Variants in ROR2 observed in about 807,000 individuals in gnomAD.
The protein encoded by ROR2 is ROR family WNT receptor 2.
A neutral mutation model predicts 74.9 loss-of-function variants in ROR2; 33 were observed. The observed-to-expected ratio is 0.44, with a 90% confidence interval of 0.33 to 0.59. The LOEUF is 0.59. Ranked by LOEUF, ROR2 falls within the 20% of genes least tolerant of loss-of-function variation. ROR2 has a pLI of 0.02. For synonymous variants in ROR2, 586 were observed against 558.7 expected (o/e 1.05, Z -0.69); for missense variants, 1,216 against 1,313.8 (o/e 0.93, Z 1.15).
rs1035758910 is a variant in ROR2, at chr9:91,723,364, G to A, written c.*298C>T. Reference sequence around the variant, plus strand: ...CCTATTTTCTTGAAAGGCATTTGCTGCTCACTACCAGTCTACCACCAGAAT... The same window carrying A: ...CCTATTTTCTTGAAAGGCATTTGCTACTCACTACCAGTCTACCACCAGAAT... On this transcript the variant is annotated 3_prime_UTR_variant, in exon 9 of 9. Coordinates refer to ENST00000375708, the MANE Select transcript of ROR2 (RefSeq NM_004560.4). 2 of 412,072 alleles carry A rather than the reference G, an allele frequency of 4.9e-6. No individual in the cohort carries two copies. Among genetic ancestry groups the A allele is most frequent in the Non-Finnish European group, 8.7e-6 (2 of 228,946 alleles). The allele number at this position is 412,072 out of a possible 1,614,324, so 25.5% of individuals were successfully genotyped here.
chr9:91,743,417 C>G (rs897928084), intron 4 of ROR2, among the ~76,000 whole-genome samples: 1 of 151,914 alleles, frequency 6.6e-6, no homozygotes. Flanking sequence ...ACTAAAAATA[C>G]AAAATTAGCC....
At chr9:91,805,420 T>C (rs971098483) in intron 1 of ROR2, among the ~76,000 whole-genome samples, 3 of 152,200 alleles carry the variant, frequency 2.0e-5, no homozygotes, top group Non-Finnish European at 4.4e-5. Context: ...AGTTCTCCTA[T>C]CAGCCCCTCT....
intron 4 of ROR2, among the ~76,000 whole-genome samples, chr9:91,745,367 C>G (rs1414035932): frequency 6.6e-6 from 1 of 151,468 alleles, no homozygotes; most frequent in Non-Finnish European, 1.5e-5. Context: ...TCAGATGATC[C>G]ACCCACCTTG....
At chr9:91,915,249 C>T (rs1043705286) in intron 1 of ROR2, among the ~76,000 whole-genome samples, 2 of 152,182 alleles carry the variant, frequency 1.3e-5, no homozygotes, top group Non-Finnish European at 1.5e-5. Flanking sequence ...ACACGCGGCT[C>T]CCATAGACAC....
At chr9:91,933,843 G>A (rs1295530366) in intron 1 of ROR2, among the ~76,000 whole-genome samples, 2 of 152,162 alleles carry the variant, frequency 1.3e-5, no homozygotes, top group South Asian at 2.1e-4. Context: ...GGAAAAAGGC[G>A]GGGACGGGGA....
At position 91,723,714 on chromosome 9, in the gene ROR2, C is replaced by A. The variant is rs1419520071; in HGVS notation, c.2780G>T (p.Gly927Val). The A allele has an allele frequency of 6.2e-7, 1 of 1,614,014 alleles. No individual in the cohort carries two copies. The highest frequency in any genetic ancestry group is 1.7e-5 in the Admixed American group (1 of 60,028). The change falls in exon 9 of 9, where the codon GGG (glycine) becomes GTG (valine). Residue 927 changes from glycine (G) to valine (V), a missense_variant. By Grantham distance (109) the Gly-to-Val change is moderately radical. Transcript: ENST00000375708. Reference sequence around the variant, plus strand: ...GTCCACCTGCAGAGTGTCACAGTCCCCCAGCAGCTCAGTCTCTGGGACAGA... The same window carrying A: ...GTCCACCTGCAGAGTGTCACAGTCCACCAGCAGCTCAGTCTCTGGGACAGA... The part of the protein sequence containing the change: ...EGSVPETELL[G>V]DCDTLQVDEA...
At chr9:91,729,942 G>A (rs1206012877) in intron 7 of ROR2, among the ~76,000 whole-genome samples, 1 of 152,186 alleles carries the variant, frequency 6.6e-6, no homozygotes. Flanking sequence ...AGGAACTACT[G>A]AGCAATAATG....
At chr9:91,741,215 G>A (rs559340608) in intron 4 of ROR2, among the ~76,000 whole-genome samples, 54 of 151,854 alleles carry the variant, frequency 3.6e-4, no homozygotes, top group Middle Eastern at 6.8e-3. Flanking sequence ...CAGGGGAATC[G>A]CTTGAACCCG....
intron 1 of ROR2, among the ~76,000 whole-genome samples, chr9:91,904,203 G>T (rs1471545105): frequency 6.6e-6 from 1 of 151,958 alleles, no homozygotes; most frequent in Non-Finnish European, 1.5e-5. Context: ...ACCACACCCG[G>T]GCCCAGGTCA....
At chr9:91,906,803 C>G (rs1020990974) in intron 1 of ROR2, among the ~76,000 whole-genome samples, 1 of 152,116 alleles carries the variant, frequency 6.6e-6, no homozygotes, top group African/African-American at 2.4e-5. Flanking sequence ...TGAGAAGCAC[C>G]AAGGACTTCC....
chr9:91,726,481 C>G, intron 8 of ROR2, 60 bp downstream of exon 8: 2 of 1,457,232 alleles, frequency 1.4e-6, no homozygotes, highest in South Asian at 1.1e-5. Flanking sequence ...TTGGGGGAAA[C>G]AACCCCTGAG....
At position 91,724,893 on chromosome 9, in the gene ROR2, G is replaced by T. The variant is rs762554351; in HGVS notation, c.1601C>A (p.Pro534His). Reference sequence around the variant, plus strand: ...CACGCCCAGCAGGCAGACGACGTTGGGGTGTTGCAGCCGTGCTCGCAGCAT... The same window carrying T: ...CACGCCCAGCAGGCAGACGACGTTGTGGTGTTGCAGCCGTGCTCGCAGCAT... ...EAMLRARLQH[P>H]NVVCLLGVVT... The change falls in exon 9 of 9, where the codon CCC becomes CAC. Residue 534 changes from proline (P) to histidine (H), a missense_variant. Physicochemically the swap from Pro to His is moderately conservative, Grantham distance 77. Transcript: ENST00000375708. The T allele has an allele frequency of 2.6e-5, 41 of 1,606,380 alleles. No individual in the cohort carries two copies. In the Admixed American group the frequency reaches 5.9e-4, roughly 23 times the overall value.
intron 1 of ROR2, among the ~76,000 whole-genome samples, chr9:91,812,565 C>A (rs1183753413): frequency 6.7e-6 from 1 of 148,658 alleles, no homozygotes; most frequent in Admixed American, 6.7e-5. Context: ...CCCGCCCCAC[C>A]CCCCCCACAC....
chr9:91,741,731 G>C (rs1258163030), intron 4 of ROR2, among the ~76,000 whole-genome samples: 1 of 152,210 alleles, frequency 6.6e-6, no homozygotes, highest in African/African-American at 2.4e-5. Context: ...AGGTGAAGCA[G>C]AGGAAGCTCA....
chr9:91,787,279 G>A (rs768057467), intron 1 of ROR2, among the ~76,000 whole-genome samples: 1 of 152,204 alleles, frequency 6.6e-6, no homozygotes, highest in Non-Finnish European at 1.5e-5. Flanking sequence ...GGGAGGCTGA[G>A]GTGGGTGGAT....
In ROR2 at chr9:91,867,902, A is replaced by C. The variant is rs115887155; in HGVS notation, c.97+81965T>G. 1.0e-2 allele frequency among the ~76,000 whole-genome samples: 1,520 copies of C among 152,290 alleles called. 26 individuals are homozygous for C. Among genetic ancestry groups the C allele is most frequent in the African/African-American group, 0.034 (1,422 of 41,544 alleles). ...GAACCCAAACAGACTGACTGCCCGT[A>C]AAACAGTATCAACATTCCCCACAAC... On this transcript the variant is annotated intron_variant, in intron 1 of 8. Transcript: ENST00000375708.
At chr9:91,904,664 A>G (rs1305856492) in intron 1 of ROR2, among the ~76,000 whole-genome samples, 2 of 152,114 alleles carry the variant, frequency 1.3e-5, no homozygotes, top group African/African-American at 4.8e-5. Context: ...AGCAAGACAC[A>G]CAGGATGTCC....
chr9:91,809,228 T>C (rs1358964400), intron 1 of ROR2, among the ~76,000 whole-genome samples: 1 of 152,170 alleles, frequency 6.6e-6, no homozygotes, highest in Non-Finnish European at 1.5e-5. Context: ...ATGCCAATAT[T>C]CCCTGGAAAA....
chr9:91,872,522 T>A (rs1167608084), intron 1 of ROR2, among the ~76,000 whole-genome samples: 1 of 152,258 alleles, frequency 6.6e-6, no homozygotes, highest in Admixed American at 6.5e-5. Flanking sequence ...CAGATTTTTA[T>A]GAGGCTACTA....
Sources: gnomAD v4.1 joint callset for allele counts (sites outside exome capture counted in the v4.1 genomes callset) on GRCh38, gnomAD v4.1.1 for gene constraint, MANE v1.5 for transcripts, NCBI Gene and HGNC (gene_info 2026-07-23, HGNC 2026-07-21) for gene names.